The following PARP8 variants were observed in gnomAD, a reference collection of about 807,000 sequenced individuals.
The protein encoded by PARP8 is protein mono-ADP-ribosyltransferase PARP8.
PARP8 carries 51 observed loss-of-function variants against 124.1 expected under a neutral mutation model. The ratio of observed to expected loss-of-function variants is 0.41; its 90% CI spans 0.33 to 0.52. The LOEUF (loss-of-function observed/expected upper bound fraction) is 0.52, where lower values mean the gene tolerates loss of function less well. Ranked by LOEUF, PARP8 falls within the 20% of genes least tolerant of loss-of-function variation. The pLI is 0.21. For missense variants in PARP8, 860 were observed against 1,018.9 expected, an observed-to-expected ratio of 0.84 and a Z score of 2.12; for synonymous variants, 391 against 361.5, an observed-to-expected ratio of 1.08 and a Z score of -0.93.
At chr5:50,805,249 T>C (rs1364711361) in intron 14 of PARP8, among the ~76,000 whole-genome samples, 1 of 152,134 alleles carries the variant, frequency 6.6e-6, no homozygotes, top group Admixed American at 6.6e-5. Context: ...TAATAAAATA[T>C]AGATAAATAT....
chr5:50,770,527 A>G (rs1761496898), intron 7 of PARP8, among the ~76,000 whole-genome samples: 1 of 151,924 alleles, frequency 6.6e-6, no homozygotes, highest in Non-Finnish European at 1.5e-5. Context: ...GGTTGGAGAA[A>G]GAAAAGAGAG....
At chr5:50,782,409 T>C (rs1415938782) in intron 9 of PARP8, among the ~76,000 whole-genome samples, 1 of 152,200 alleles carries the variant, frequency 6.6e-6, no homozygotes, top group Non-Finnish European at 1.5e-5. Context: ...TTTTTTCTTA[T>C]TGAAAATTTG....
At chr5:50,733,164 C>T (rs1388859334) in intron 2 of PARP8, among the ~76,000 whole-genome samples, 5 of 151,694 alleles carry the variant, frequency 3.3e-5, no homozygotes, top group South Asian at 2.1e-4. Context: ...ATTAGCCAGG[C>T]GTGGTGTTGT....
intron 15 of PARP8, among the ~76,000 whole-genome samples, chr5:50,820,179 C>T (rs1745598831): frequency 6.6e-6 from 1 of 152,180 alleles, no homozygotes; most frequent in Non-Finnish European, 1.5e-5. Flanking sequence ...ACCCACACAA[C>T]ATAGTCAGCT....
intron 2 of PARP8, chr5:50,669,595 T>A (rs944213804): frequency 2.0e-5 from 3 of 152,216 alleles, no homozygotes; most frequent in Non-Finnish European, 4.4e-5. Context: ...ATATGCTTAA[T>A]CACTAAGATC....
At chr5:50,703,422 A>T (rs1753800791) in intron 2 of PARP8, among the ~76,000 whole-genome samples, 1 of 152,074 alleles carries the variant, frequency 6.6e-6, no homozygotes, top group Admixed American at 6.6e-5. Context: ...GATATGAGAG[A>T]TGATATTTGA....
intron 20 of PARP8, 92 bp from the exon 21 acceptor site, chr5:50,828,220 C>T: frequency 7.5e-7 from 1 of 1,335,988 alleles, no homozygotes; most frequent in Non-Finnish European, 1.1e-6. Flanking sequence ...AATCCAGAAC[C>T]TTCAGAAGGC....
chr5:50,749,999 AAAGTGGTTTTCT>A, intron 2 of PARP8, 140 bp from the exon 3 acceptor site: 4 of 649,730 alleles, frequency 6.2e-6, no homozygotes, highest in Non-Finnish European at 1.1e-5. Flanking sequence ...GGCGGATATA[AAAGTGGTTTTCT>A]AATCTGTTTT....
chr5:50,827,159 C>T (rs911767201), intron 19 of PARP8, among the ~76,000 whole-genome samples: 1 of 152,098 alleles, frequency 6.6e-6, no homozygotes, highest in Non-Finnish European at 1.5e-5. Context: ...CACTTTTCTA[C>T]AGCTGAGAAG....
intron 24 of PARP8, chr5:50,834,721 A>T: frequency 1.8e-6 from 1 of 566,024 alleles, no homozygotes; most frequent in Non-Finnish European, 3.2e-6. Context: ...TTGTTATACC[A>T]GTTGTTATTC....
chr5:50,740,910 G>C (rs1757978243), intron 2 of PARP8, among the ~76,000 whole-genome samples: 1 of 152,062 alleles, frequency 6.6e-6, no homozygotes, highest in African/African-American at 2.4e-5. Context: ...AAGATGCTGA[G>C]GGTTGTATCA....
intron 2 of PARP8, among the ~76,000 whole-genome samples, chr5:50,686,364 C>A (rs1450838646): frequency 6.6e-6 from 1 of 152,244 alleles, no homozygotes; most frequent in African/African-American, 2.4e-5. Context: ...TTCCCATGGT[C>A]TTGGGCAGCT....
At chr5:50,678,562 A>T (rs1485367316) in intron 2 of PARP8, among the ~76,000 whole-genome samples, 1 of 152,182 alleles carries the variant, frequency 6.6e-6, no homozygotes, top group East Asian at 1.9e-4. Flanking sequence ...ATAAATATAG[A>T]TATATGAGAG....
At chr5:50,675,307 T>C (rs1008502816) in intron 2 of PARP8, among the ~76,000 whole-genome samples, 1 of 152,206 alleles carries the variant, frequency 6.6e-6, no homozygotes, top group African/African-American at 2.4e-5. Context: ...TGTTTTATTG[T>C]TTATTTTATT....
At chr5:50,778,463 G>A in intron 8 of PARP8, 97 bp from the exon 9 acceptor site, 1 of 964,300 alleles carries the variant, frequency 1.0e-6, no homozygotes, top group Non-Finnish European at 1.6e-6. Context: ...CATGTTATAT[G>A]CATTTTGCGA....
At chr5:50,753,082 C>T (rs544932453) in intron 3 of PARP8, among the ~76,000 whole-genome samples, 1 of 151,590 alleles carries the variant, frequency 6.6e-6, no homozygotes, top group Admixed American at 6.6e-5. Flanking sequence ...ATAGAGAGGC[C>T]TTGTGATTTA....
intron 2 of PARP8, among the ~76,000 whole-genome samples, chr5:50,675,382 G>T (rs926720492): frequency 6.6e-6 from 1 of 152,288 alleles, no homozygotes; most frequent in Non-Finnish European, 1.5e-5. Context: ...TTGGCTCGCT[G>T]CAACCTCCGC....
intron 1 of PARP8, chr5:50,667,459 G>A (rs569279979): frequency 2.7e-5 from 19 of 700,418 alleles, no homozygotes; most frequent in African/African-American, 2.1e-4. Flanking sequence ...GGGGCAGTGC[G>A]TGGTATTTCC....
intron 2 of PARP8, among the ~76,000 whole-genome samples, chr5:50,688,781 A>G (rs1175801582): frequency 6.6e-6 from 1 of 152,192 alleles, no homozygotes; most frequent in African/African-American, 2.4e-5. Flanking sequence ...AAAACCTGCC[A>G]CTTACCTATG....
Sources: allele counts gnomAD v4.1 joint callset (sites outside exome capture counted in the v4.1 genomes callset), GRCh38; gene constraint gnomAD v4.1.1; transcripts MANE v1.5; gene names NCBI Gene and HGNC (gene_info 2026-07-23, HGNC 2026-07-21).